Variants in FAM135A observed in about 807,000 individuals in gnomAD.
FAM135A encodes the protein protein FAM135A.
Under a neutral mutation model 146.8 loss-of-function variants are expected in FAM135A, and 79 were observed. The ratio of observed to expected loss-of-function variants is 0.54; its 90% CI spans 0.45 to 0.65. The LOEUF (loss-of-function observed/expected upper bound fraction) is 0.65, where lower values mean the gene tolerates loss of function less well. Among genes scored for constraint, FAM135A ranks in the 30% least tolerant of loss-of-function variants. FAM135A has a pLI of 0.00. For missense variants in FAM135A, 1,623 were observed against 1,758.2 expected, an observed-to-expected ratio of 0.92 and a Z score of 1.38; for synonymous variants, 562 against 603.6, an observed-to-expected ratio of 0.93 and a Z score of 1.01.
intron 20 of FAM135A, among the ~76,000 whole-genome samples, chr6:70,538,950 T>C (rs1797341638): frequency 7.1e-6 from 1 of 140,678 alleles, no homozygotes; most frequent in Admixed American, 7.1e-5. Context: ...ATCTTATTAC[T>C]TATTTTTTAT....
At chr6:70,540,040 T>C (rs529989831) in intron 20 of FAM135A, among the ~76,000 whole-genome samples, 1 of 152,254 alleles carries the variant, frequency 6.6e-6, no homozygotes, top group Non-Finnish European at 1.5e-5. Context: ...ATGATTATGT[T>C]TGGGAAAAGA....
Position 70,491,069 on chromosome 6 carries a change from T to C in FAM135A, c.859T>C (p.Cys287Arg). ...MDVEARLTEL[C>R]EEVKKIENPD... ...TGTAGAAGCTCGACTTACTGAACTATGTGAAGAAGTTAAGGTACTTGGATT... is the reference window on the plus strand; with the variant it reads ...TGTAGAAGCTCGACTTACTGAACTACGTGAAGAAGTTAAGGTACTTGGATT... Residue 287 changes from cysteine to arginine, a missense_variant, in exon 11 of 22, where the codon TGT (cysteine) becomes CGT (arginine). Around this residue, in one of 7 missense-constraint regions of FAM135A, gnomAD observed 206 missense variants for 194.7 expected, o/e 1.06. Coordinates refer to ENST00000418814, the MANE Select transcript of FAM135A (RefSeq NM_001162529.3). 6.2e-7 allele frequency: 1 copy of C among 1,603,218 alleles called. No homozygotes were observed. The highest frequency in any genetic ancestry group is 8.5e-7 in the Non-Finnish European group (1 of 1,175,802).
At chr6:70,543,461 G>C (rs1798292511) in intron 20 of FAM135A, among the ~76,000 whole-genome samples, 1 of 152,186 alleles carries the variant, frequency 6.6e-6, no homozygotes, top group South Asian at 2.1e-4. Context: ...TCTACTATTA[G>C]AATCAGTGAA....
intron 5 of FAM135A, among the ~76,000 whole-genome samples, chr6:70,456,619 A>T (rs1438681666): frequency 6.6e-6 from 1 of 152,200 alleles, no homozygotes; most frequent in East Asian, 1.9e-4. Context: ...GGTGTAAAGG[A>T]TATAATTAAG....
Position 70,559,871 on chromosome 6 carries a change from A to G in FAM135A, c.4498A>G (p.Ile1500Val), listed in dbSNP as rs1562046116. The change falls in exon 22 of 22, where the codon ATA becomes GTA. Residue 1500 changes from isoleucine to valine, a missense_variant. Coordinates refer to ENST00000418814, the MANE Select transcript of FAM135A (RefSeq NM_001162529.3). ...ACATATAGCTGTTCTTGATTCGGAA[A>G]TATTTTTAGAGAAATTCTTTCTGGT... The part of the protein sequence containing the change: ...AAHIAVLDSE[I>V]FLEKFFLVAA... The G allele has an allele frequency of 1.9e-6, 3 of 1,614,058 alleles. No individual in the cohort carries two copies. The highest frequency in any genetic ancestry group is 1.7e-6 in the Non-Finnish European group (2 of 1,179,986).
chr6:70,543,777 T>C (rs1311516272), intron 20 of FAM135A, among the ~76,000 whole-genome samples: 4 of 152,204 alleles, frequency 2.6e-5, no homozygotes, highest in African/African-American at 7.2e-5. Flanking sequence ...AACATTTAAT[T>C]AGCAATAATA....
chr6:70,501,268 T>G (rs1230322653), intron 11 of FAM135A, among the ~76,000 whole-genome samples: 2 of 151,910 alleles, frequency 1.3e-5, no homozygotes, highest in Non-Finnish European at 2.9e-5. Context: ...CTGCCCAGTC[T>G]AAACCTTCCA....
rs1782776409 is a variant in FAM135A, at chr6:70,477,160, G to A, written c.370G>A (p.Ala124Thr). The A allele has an allele frequency of 6.2e-6, 10 of 1,612,468 alleles. No homozygotes were observed. The highest frequency in any genetic ancestry group is 2.2e-5 in the East Asian group (1 of 44,770). ...CATGCTAAGTGTTCCTTTTTACAGG[G>A]CAGATGATCTGAATGCCTTGCAACT... ...DLHFTDGDYSADDLNALQLIS... is the reference protein window; with the variant it reads ...DLHFTDGDYSTDDLNALQLIS... Residue 124 changes from alanine (A) to threonine (T), a missense_variant and splice_region_variant, in exon 8 of 22, where the codon GCA becomes ACA. By Grantham distance (58) the Ala-to-Thr change is moderately conservative. Coordinates refer to ENST00000418814, the MANE Select transcript of FAM135A (RefSeq NM_001162529.3).
intron 5 of FAM135A, among the ~76,000 whole-genome samples, chr6:70,465,233 T>G (rs996842709): frequency 6.6e-6 from 1 of 152,132 alleles, no homozygotes; most frequent in African/African-American, 2.4e-5. Context: ...TGAATAATAT[T>G]CTTTAATATG....
At chr6:70,498,321 T>C (rs1050988875) in intron 11 of FAM135A, among the ~76,000 whole-genome samples, 3 of 152,160 alleles carry the variant, frequency 2.0e-5, no homozygotes, top group Admixed American at 6.5e-5. Flanking sequence ...AGTGGTGATA[T>C]CCCTTTTATC....
chr6:70,441,370 A>C (rs997307915), intron 4 of FAM135A, among the ~76,000 whole-genome samples: 2 of 152,176 alleles, frequency 1.3e-5, no homozygotes, highest in African/African-American at 4.8e-5. Flanking sequence ...TCTGGGCAAC[A>C]GAGTGAAACC....
chr6:70,526,387 A>G lies in FAM135A; in HGVS notation c.3303A>G (p.Glu1101=), dbSNP rs778857049. The part of the protein sequence containing the change: ...DQQMVQNGYY[E]ETDYSALDGT... ...AAATGGTTCAAAATGGGTACTATGA[A>G]GAAACAGATTATTCAGCTTTGGATG... The change falls in exon 15 of 22, where the codon GAA becomes GAG. Residue 1101 remains glutamate (E), a synonymous_variant. Coordinates refer to ENST00000418814, the MANE Select transcript of FAM135A (RefSeq NM_001162529.3). 1 of 1,613,690 alleles carries G rather than the reference A, an allele frequency of 6.2e-7. No individual in the cohort carries two copies. Among genetic ancestry groups the G allele is most frequent in the South Asian group, 1.1e-5 (1 of 91,064 alleles).
chr6:70,522,726 A>C (rs912268827), intron 13 of FAM135A, 140 bp downstream of exon 13: 2 of 662,418 alleles, frequency 3.0e-6, no homozygotes, highest in Non-Finnish European at 4.9e-6. Context: ...AATCCCATCT[A>C]TAATCAAATT....
chr6:70,446,051 T>G (rs1562433846), intron 4 of FAM135A, among the ~76,000 whole-genome samples: 3 of 152,244 alleles, frequency 2.0e-5, no homozygotes, highest in Non-Finnish European at 4.4e-5. Flanking sequence ...TTTAATGGGT[T>G]ACTAGCTGCT....
At chr6:70,554,947 T>C (rs1045589776) in intron 20 of FAM135A, among the ~76,000 whole-genome samples, 2 of 152,192 alleles carry the variant, frequency 1.3e-5, no homozygotes, top group Admixed American at 1.3e-4. Flanking sequence ...TCATAAAATA[T>C]AACATCTCAA....
At chr6:70,434,418 G>A (rs1468019001) in intron 4 of FAM135A, among the ~76,000 whole-genome samples, 1 of 152,186 alleles carries the variant, frequency 6.6e-6, no homozygotes, top group Non-Finnish European at 1.5e-5. Context: ...TAGCTTGTCT[G>A]CAGATGGTTT....
intron 4 of FAM135A, 137 bp downstream of exon 4, chr6:70,428,556 T>G: frequency 2.0e-6 from 1 of 498,432 alleles, no homozygotes; most frequent in Middle Eastern, 5.7e-4. Context: ...CTCAGATAAA[T>G]TTTATTTATT....
In FAM135A at chr6:70,435,109, A is replaced by ATATAT. The variant is rs1476331313; in HGVS notation, c.77+6691_77+6692insATATT. 6.2e-4 allele frequency among the ~76,000 whole-genome samples: 40 copies of ATATAT among 64,744 alleles called. 1 individual carries two copies. The highest frequency in any genetic ancestry group is 1.3e-3 in the Non-Finnish European group (38 of 28,686). The allele number at this position is 64,744 out of a possible 152,430, so 42.5% of individuals were successfully genotyped here. A position where few individuals can be genotyped will look rare whatever the true frequency, so the allele number is the denominator to read the frequency against. On this transcript the variant is annotated intron_variant, in intron 4 of 21. Transcript: ENST00000418814. ...TATATATATATATATATATATATAT[A>ATATAT]TTTTTTTTTTTTTTTAGATGGAGTC... is the stretch of plus-strand genomic sequence containing the variant.
At chr6:70,542,865 C>T in intron 20 of FAM135A, among the ~76,000 whole-genome samples, 1 of 152,112 alleles carries the variant, frequency 6.6e-6, no homozygotes. Flanking sequence ...TTAGGGTCAT[C>T]TTTGATTGAC....
Sources: gnomAD v4.1 joint callset for allele counts (sites outside exome capture counted in the v4.1 genomes callset) on GRCh38, gnomAD v4.1.1 for gene constraint, gnomAD v4.1.1 regional missense constraint, MANE v1.5 for transcripts, NCBI Gene and HGNC (gene_info 2026-07-23, HGNC 2026-07-21) for gene names.